Variants in XPR1 observed in about 807,000 individuals in gnomAD.
XPR1 encodes xenotropic and polytropic retrovirus receptor 1, also known as solute carrier family 53 member 1.
XPR1 carries 28 observed loss-of-function variants against 87.5 expected under a neutral mutation model. The observed-to-expected ratio is 0.32, with a 90% CI of 0.24 to 0.44. The LOEUF is 0.44. Among genes scored for constraint, XPR1 ranks in the 20% least tolerant of loss-of-function variants. XPR1 has a pLI of 1.00. For synonymous variants in XPR1, 300 were observed against 306.1 expected, an observed-to-expected ratio of 0.98 and a Z score of 0.21; for missense variants, 559 against 862.3, an observed-to-expected ratio of 0.65 and a Z score of 4.41.
At chr1:180,879,983 C>A in intron 13 of XPR1, 93 bp from the exon 14 acceptor site, 1 of 1,347,398 alleles carries the variant, frequency 7.4e-7, no homozygotes, top group Non-Finnish European at 1.0e-6. Context: ...GTTTTTGTTT[C>A]CATGAGTGGA....
In XPR1 at chr1:180,830,144, C is replaced by CTA. The variant is rs148542197; in HGVS notation, c.1135-4729_1135-4728dup. On this transcript the variant is annotated intron_variant, in intron 9 of 14. Coordinates refer to ENST00000367590, the MANE Select transcript of XPR1 (RefSeq NM_004736.4). ...GAATCCTTTAAGTCCATTCTGCACA[C>CTA]TAGAGTTTCTTAAAATATTACAGAA... 6.7e-3 allele frequency among the ~76,000 whole-genome samples: 1,026 copies of CTA among 152,280 alleles called. 9 individuals carry two copies. The highest frequency in any genetic ancestry group is 0.017 in the Middle Eastern group (5 of 294).
chr1:180,739,660 C>T (rs1658854000), intron 2 of XPR1, among the ~76,000 whole-genome samples: 1 of 152,044 alleles, frequency 6.6e-6, no homozygotes, highest in Admixed American at 6.5e-5. Context: ...AAATTTATAC[C>T]CAATTATTTC....
chr1:180,691,000 A>T (rs538186778), intron 2 of XPR1, among the ~76,000 whole-genome samples: 1 of 151,942 alleles, frequency 6.6e-6, no homozygotes, highest in South Asian at 2.1e-4. Flanking sequence ...TAGATGGCCA[A>T]ACATATTATT....
intron 1 of XPR1, 84 bp downstream of exon 1, chr1:180,632,354 G>C: frequency 1.3e-6 from 2 of 1,511,816 alleles, no homozygotes; most frequent in Non-Finnish European, 1.8e-6. Context: ...TTCCGCTTCA[G>C]CTGGCTCCCT....
At chr1:180,702,908 T>G (rs1657400951) in intron 2 of XPR1, among the ~76,000 whole-genome samples, 2 of 152,216 alleles carry the variant, frequency 1.3e-5, no homozygotes, top group African/African-American at 4.8e-5. Flanking sequence ...TAACAGTCAC[T>G]TCTTCCAATT....
chr1:180,653,560 C>G (rs1655359452), intron 1 of XPR1, among the ~76,000 whole-genome samples: 1 of 152,026 alleles, frequency 6.6e-6, no homozygotes, highest in Non-Finnish European at 1.5e-5. Flanking sequence ...CATTCCAGGA[C>G]CCCCAGTGGA....
At chr1:180,696,165 GGTGTGTGTGTGTGTGT>G (rs59249501) in intron 2 of XPR1, among the ~76,000 whole-genome samples, 1,593 of 102,980 alleles carry the variant, frequency 0.015, 50 homozygotes, top group African/African-American at 0.053. Context: ...TTTATTCCTG[GGTGTGTGTGTGTGTGT>G]GTGTGTGTGT....
intron 2 of XPR1, among the ~76,000 whole-genome samples, chr1:180,710,349 C>T (rs1262685055): frequency 2.0e-5 from 3 of 151,994 alleles, no homozygotes; most frequent in South Asian, 4.2e-4. Context: ...GACCCTGGGG[C>T]CTTCTGCAGT....
intron 2 of XPR1, among the ~76,000 whole-genome samples, chr1:180,714,375 C>CTG (rs1173717168): frequency 6.9e-4 from 95 of 138,040 alleles, no homozygotes; most frequent in African/African-American, 2.2e-3. Flanking sequence ...CTCTCTCTCT[C>CTG]TCTCTCTCTC....
chr1:180,765,985 AAAC>A (rs1648268172), intron 2 of XPR1, among the ~76,000 whole-genome samples: 1 of 152,102 alleles, frequency 6.6e-6, no homozygotes, highest in African/African-American at 2.4e-5. Flanking sequence ...AAAAAAGAAA[AAAC>A]AAAAGACACC....
chr1:180,886,332 G>A lies in XPR1; in HGVS notation c.*2266G>A, dbSNP rs191233102. On this transcript the variant is annotated 3_prime_UTR_variant, in exon 15 of 15. Transcript: ENST00000367590. Reference sequence around the variant, plus strand: ...ATTTCTTATATAAATAAAATTGGTGGTACTAATGTGTATCCAGAGACATTT... The same window carrying A: ...ATTTCTTATATAAATAAAATTGGTGATACTAATGTGTATCCAGAGACATTT... 2.0e-5 allele frequency: 3 copies of A among 152,300 alleles called. No individual in the cohort carries two copies. Among genetic ancestry groups the A allele is most frequent in the African/African-American group, 7.2e-5 (3 of 41,564 alleles). The allele number at this position is 152,300 out of a possible 1,614,324, so 9.4% of individuals were successfully genotyped here. A position where few individuals can be genotyped will look rare whatever the true frequency, so the allele number is the denominator to read the frequency against.
chr1:180,641,158 C>G (rs537614855), intron 1 of XPR1, among the ~76,000 whole-genome samples: 32 of 152,266 alleles, frequency 2.1e-4, no homozygotes, highest in African/African-American at 7.5e-4. Context: ...CCTTTTTGTG[C>G]TTCAGTTTCC....
At chr1:180,684,628 T>C (rs186029635) in intron 2 of XPR1, among the ~76,000 whole-genome samples, 111 of 152,288 alleles carry the variant, frequency 7.3e-4, no homozygotes, top group Middle Eastern at 3.4e-3. Context: ...GAGCATGGAA[T>C]GTTCTTCCAT....
rs1652047195 is a variant in XPR1 at position 180,856,805 on chromosome 1, C to T, written c.1502-6903C>T. Among the ~76,000 whole-genome samples, 3 of 152,298 alleles carry T rather than the reference C, an allele frequency of 2.0e-5. No homozygotes were observed. In the South Asian group the frequency reaches 6.2e-4, roughly 32 times the overall value. Reference sequence around the variant, plus strand: ...CTCATTGTTTCTCACTGGGCTGTTGCCACAGCCATATTAATACACTGCTTT... The same window carrying T: ...CTCATTGTTTCTCACTGGGCTGTTGTCACAGCCATATTAATACACTGCTTT... On this transcript the variant is annotated intron_variant, in intron 11 of 14. Transcript: ENST00000367590.
At chr1:180,741,270 T>C (rs2102022775) in intron 2 of XPR1, among the ~76,000 whole-genome samples, 1 of 152,256 alleles carries the variant, frequency 6.6e-6, no homozygotes, top group East Asian at 1.9e-4. Context: ...TTCTAGTGAT[T>C]CTCCTACCTT....
At chr1:180,642,131 C>T (rs1298818632) in intron 1 of XPR1, among the ~76,000 whole-genome samples, 1 of 152,154 alleles carries the variant, frequency 6.6e-6, no homozygotes, top group Non-Finnish European at 1.5e-5. Flanking sequence ...GTTATGGTCA[C>T]AAGTGGAAAC....
At chr1:180,647,711 C>G (rs1488505322) in intron 1 of XPR1, among the ~76,000 whole-genome samples, 1 of 151,812 alleles carries the variant, frequency 6.6e-6, no homozygotes, top group Non-Finnish European at 1.5e-5. Context: ...CCAGCCTGGC[C>G]CAACATGGTG....
intron 7 of XPR1, 100 bp downstream of exon 7, chr1:180,811,588 T>A: frequency 1.1e-6 from 1 of 919,420 alleles, no homozygotes. Flanking sequence ...CCAAAGCTAC[T>A]GAAAGATAAA....
intron 2 of XPR1, among the ~76,000 whole-genome samples, chr1:180,753,003 A>C (rs950344208): frequency 6.6e-6 from 1 of 152,360 alleles, no homozygotes; most frequent in East Asian, 1.9e-4. Context: ...TTTAAAAAAT[A>C]AGAGCAGAAG....
Sources: allele counts gnomAD v4.1 joint callset (sites outside exome capture counted in the v4.1 genomes callset), GRCh38; gene constraint gnomAD v4.1.1; transcripts MANE v1.5; gene names NCBI Gene and HGNC (gene_info 2026-07-23, HGNC 2026-07-21).